Variants in ZNF292 observed in about 807,000 individuals in gnomAD.
The protein encoded by ZNF292 is 16 zinc-finger domain protein.
Under a neutral mutation model 217.9 loss-of-function variants are expected in ZNF292, and 26 were observed. The observed-to-expected ratio is 0.12, with a 90% CI of 0.09 to 0.17. The LOEUF is 0.17. Among genes scored for constraint, ZNF292 ranks in the 10% least tolerant of loss-of-function variants. The probability of loss-of-function intolerance (pLI) is 1.00; values close to 1 mark genes in which losing one functional copy is unlikely to be tolerated. For synonymous variants in ZNF292, 1,257 were observed against 1,124.1 expected (o/e 1.12, Z -2.37); for missense variants, 2,904 against 3,175.2 (o/e 0.91, Z 2.05).
intron 7 of ZNF292, among the ~76,000 whole-genome samples, chr6:87,253,303 A>G (rs1775032147): frequency 7.0e-6 from 1 of 143,660 alleles, no homozygotes; most frequent in African/African-American, 2.6e-5. Flanking sequence ...ATCTCTGCTC[A>G]CTGCAGCCTC....
intron 1 of ZNF292, among the ~76,000 whole-genome samples, chr6:87,210,043 A>AC (rs1000515192): frequency 2.6e-4 from 40 of 151,990 alleles, no homozygotes; most frequent in Non-Finnish European, 1.2e-4. Context: ...TAAATGTAAC[A>AC]CCCCCGCGGT....
At chr6:87,224,910 A>G (rs1773265523) in intron 4 of ZNF292, among the ~76,000 whole-genome samples, 1 of 152,170 alleles carries the variant, frequency 6.6e-6, no homozygotes, top group Non-Finnish European at 1.5e-5. Flanking sequence ...GCTATGTCAT[A>G]TGGTAAGACT....
At position 87,258,285 on chromosome 6, in the gene ZNF292, G is replaced by A; in HGVS notation, c.4656G>A (p.Arg1552=). 1.2e-6 allele frequency: 2 copies of A among 1,613,388 alleles called. No individual in the cohort carries two copies. The highest frequency in any genetic ancestry group is 1.7e-6 in the Non-Finnish European group (2 of 1,179,692). The change falls in exon 8 of 8, where the codon AGG becomes AGA. Residue 1552 remains arginine (R), a synonymous_variant. Transcript: ENST00000369577. The stretch of plus-strand genomic sequence containing the variant: ...ACACCTTGCTGACCAACCAGAATAG[G>A]ACGTCAAACTCCAAAACTTCCTCCA... ...HPNTLLTNQN[R]TSNSKTSSIE...
chr6:87,172,836 A>G (rs1302537620), intron 1 of ZNF292, among the ~76,000 whole-genome samples: 1 of 151,816 alleles, frequency 6.6e-6, no homozygotes, highest in African/African-American at 2.4e-5. Flanking sequence ...GAGCCTGGGA[A>G]GTCGAGGTTG....
At chr6:87,234,774 A>G (rs995453185) in intron 5 of ZNF292, among the ~76,000 whole-genome samples, 3 of 152,188 alleles carry the variant, frequency 2.0e-5, no homozygotes, top group Admixed American at 6.5e-5. Context: ...TAGAGCATGC[A>G]TGATCCTCTT....
chr6:87,242,133 C>T (rs1049742363), intron 5 of ZNF292, among the ~76,000 whole-genome samples: 6 of 152,034 alleles, frequency 3.9e-5, no homozygotes, highest in African/African-American at 1.4e-4. Context: ...TAAATCTTTA[C>T]TTTATAAATA....
chr6:87,209,044 G>T (rs1217059448), intron 1 of ZNF292, among the ~76,000 whole-genome samples: 1 of 151,928 alleles, frequency 6.6e-6, no homozygotes, highest in Non-Finnish European at 1.5e-5. Flanking sequence ...AGGAAATCAG[G>T]GAGGCTTAAC....
chr6:87,178,085 T>C (rs537200292), intron 1 of ZNF292, among the ~76,000 whole-genome samples: 2 of 152,218 alleles, frequency 1.3e-5, no homozygotes, highest in African/African-American at 4.8e-5. Flanking sequence ...TCTCTTTGCT[T>C]TAGTCTATGG....
chr6:87,254,427 AAAGTC>A (rs1231467665), intron 7 of ZNF292, among the ~76,000 whole-genome samples: 1 of 152,208 alleles, frequency 6.6e-6, no homozygotes, highest in African/African-American at 2.4e-5. Context: ...ATTCCATACC[AAAGTC>A]TTAGCTTCTA....
rs1314662083 is a variant in ZNF292, at chr6:87,264,305, A to C, written c.*2504A>C. On this transcript the variant is annotated 3_prime_UTR_variant, in exon 8 of 8. Transcript: ENST00000369577. ...CCTCTTCTGAACCCGCAAAGTTTGC[A>C]TATTACAGGTCAGAATTGTATTATT... 6.6e-6 allele frequency: 1 copy of C among 152,236 alleles called. No individual in the cohort carries two copies. Among genetic ancestry groups the C allele is most frequent in the East Asian group, 1.9e-4 (1 of 5,206 alleles). The allele number at this position is 152,236 out of a possible 1,614,324, so 9.4% of individuals were successfully genotyped here. A position where few individuals can be genotyped will look rare whatever the true frequency, so the allele number is the denominator to read the frequency against.
chr6:87,234,065 G>T (rs1014496305), intron 5 of ZNF292, among the ~76,000 whole-genome samples: 7 of 152,124 alleles, frequency 4.6e-5, no homozygotes, highest in South Asian at 2.1e-4. Context: ...TTCTAGTTTG[G>T]TATAAAGCAT....
chr6:87,231,947 G>A (rs1405117137), intron 4 of ZNF292, among the ~76,000 whole-genome samples: 1 of 151,960 alleles, frequency 6.6e-6, no homozygotes, highest in Non-Finnish European at 1.5e-5. Flanking sequence ...TTTTGCTTTG[G>A]CAGTGAACTA....
At position 87,261,121 on chromosome 6, in the gene ZNF292, A is replaced by G. The variant is rs1402303251; in HGVS notation, c.7492A>G (p.Thr2498Ala). 2 of 1,612,656 alleles carry G rather than the reference A, an allele frequency of 1.2e-6. No individual in the cohort carries two copies. The highest frequency in any genetic ancestry group is 1.7e-4 in the Middle Eastern group (1 of 6,060). Residue 2498 changes from threonine (T) to alanine (A), a missense_variant, in exon 8 of 8, where the codon ACA becomes GCA. Thr to Ala is a moderately conservative substitution (Grantham distance 58). Coordinates refer to ENST00000369577, the MANE Select transcript of ZNF292 (RefSeq NM_015021.3). ...TACAAAATTAATAAATGAAGATAGC[A>G]CAAGTGTAGAGACCCAAGCTAATAC... ...FITKLINEDS[T>A]SVETQANTSS...
intron 1 of ZNF292, among the ~76,000 whole-genome samples, chr6:87,181,905 A>G (rs532159952): frequency 1.3e-5 from 2 of 152,190 alleles, no homozygotes; most frequent in South Asian, 4.2e-4. Context: ...GCTGGTCTCA[A>G]ACTCCTGACC....
At chr6:87,238,358 A>T (rs1022823399) in intron 5 of ZNF292, among the ~76,000 whole-genome samples, 3 of 151,888 alleles carry the variant, frequency 2.0e-5, no homozygotes, top group Non-Finnish European at 4.4e-5. Flanking sequence ...TGGTGGCACT[A>T]GCCTGTAATC....
chr6:87,240,940 G>T (rs116206131), intron 5 of ZNF292, among the ~76,000 whole-genome samples: 2,318 of 152,280 alleles, frequency 0.015, 59 homozygotes, highest in African/African-American at 0.052. Flanking sequence ...GCCACTAAGT[G>T]CATAACTTTG....
At position 87,229,716 on chromosome 6, in the gene ZNF292, G is replaced by A. The variant is rs139969936; in HGVS notation, c.539-3609G>A. Among the ~76,000 whole-genome samples the A allele has an allele frequency of 4.2e-3, 642 of 152,090 alleles. 20 individuals are homozygous for A. The East Asian group carries it at 0.1, about 24-fold the overall frequency. Reference sequence around the variant, plus strand: ...GCTGGGATTACAGGTGTGAGCCACCGTGTCCAGCCTAATTGCTGAATTATT... The same window carrying A: ...GCTGGGATTACAGGTGTGAGCCACCATGTCCAGCCTAATTGCTGAATTATT... On this transcript the variant is annotated intron_variant, in intron 4 of 7. Transcript: ENST00000369577.
intron 1 of ZNF292, among the ~76,000 whole-genome samples, chr6:87,209,110 C>T (rs1448202341): frequency 6.7e-6 from 1 of 150,096 alleles, no homozygotes; most frequent in Non-Finnish European, 1.5e-5. Flanking sequence ...TTTCACCCCC[C>T]CCTCCCCATT....
At chr6:87,161,317 G>A (rs1272286240) in intron 1 of ZNF292, among the ~76,000 whole-genome samples, 3 of 152,156 alleles carry the variant, frequency 2.0e-5, no homozygotes, top group Non-Finnish European at 4.4e-5. Flanking sequence ...AAAAGATACG[G>A]GCAACTAGTG....
Sources: allele counts gnomAD v4.1 joint callset (sites outside exome capture counted in the v4.1 genomes callset), GRCh38; gene constraint gnomAD v4.1.1; transcripts MANE v1.5; gene names NCBI Gene and HGNC (gene_info 2026-07-23, HGNC 2026-07-21).